EPHA6: variants seen among roughly 807,000 people sequenced by gnomAD.
EPHA6 encodes ephrin type-A receptor 6.
A neutral mutation model predicts 112.0 loss-of-function variants in EPHA6; 50 were observed. The observed-to-expected ratio is 0.45, with a 90% confidence interval of 0.36 to 0.56. The LOEUF (loss-of-function observed/expected upper bound fraction) is 0.56, where lower values mean the gene tolerates loss of function less well. Ranked by LOEUF, EPHA6 falls within the 20% of genes least tolerant of loss-of-function variation. EPHA6 has a pLI of 0.00. For synonymous variants in EPHA6, 529 were observed against 490.7 expected (o/e 1.08, Z -1.03); for missense variants, 1,280 against 1,417.4 (o/e 0.90, Z 1.56).
Position 97,720,268 on chromosome 3 carries a change from A to G in EPHA6, c.2792A>G (p.Lys931Arg), listed in dbSNP as rs1309760474. The G allele has an allele frequency of 1.9e-6, 3 of 1,580,018 alleles. No homozygotes were observed. The highest frequency in any genetic ancestry group is 3.8e-5 in the Admixed American group (2 of 53,186). The part of the protein sequence containing the change: ...PEAAYTTTGG[K>R]IPIRWTAPEA... ...CTCCAATTTGTTTTCCAGGGTGGAA[A>G]AATCCCCATAAGGTGGACAGCCCCA... Residue 931 changes from lysine to arginine, a missense_variant, in exon 15 of 18, where the codon AAA becomes AGA. This residue lies in a region of EPHA6 where 878 missense variants were observed against 999.7 expected (regional missense o/e 0.88). Transcript: ENST00000389672.
intron 13 of EPHA6, among the ~76,000 whole-genome samples, chr3:97,623,550 G>A (rs540028779): frequency 1.3e-5 from 2 of 151,622 alleles, no homozygotes. Context: ...TTCTAAGATG[G>A]CATTTTCTTG....
chr3:97,131,503 G>A (rs913416853), intron 3 of EPHA6, among the ~76,000 whole-genome samples: 5 of 152,186 alleles, frequency 3.3e-5, no homozygotes, highest in Admixed American at 2.0e-4. Flanking sequence ...GAATAAACAA[G>A]TAAGTATGAG....
intron 11 of EPHA6, among the ~76,000 whole-genome samples, chr3:97,575,250 T>C (rs560300503): frequency 3.3e-5 from 5 of 152,252 alleles, no homozygotes; most frequent in African/African-American, 1.2e-4. Context: ...TCTATATAAC[T>C]ATTCTAGATA....
intron 11 of EPHA6, among the ~76,000 whole-genome samples, chr3:97,563,244 G>A (rs2093216936): frequency 6.6e-6 from 1 of 152,168 alleles, no homozygotes; most frequent in Non-Finnish European, 1.5e-5. Context: ...GAAGTCGGAT[G>A]TGAGGAAAGG....
intron 3 of EPHA6, among the ~76,000 whole-genome samples, chr3:97,017,500 T>C (rs2044303873): frequency 6.6e-6 from 1 of 152,142 alleles, no homozygotes; most frequent in Non-Finnish European, 1.5e-5. Context: ...CTAAAGTGCT[T>C]GGGGGCCCCA....
At chr3:97,379,832 A>G (rs1361741627) in intron 5 of EPHA6, among the ~76,000 whole-genome samples, 1 of 151,438 alleles carries the variant, frequency 6.6e-6, no homozygotes, top group Non-Finnish European at 1.5e-5. Context: ...TAAAAACTTT[A>G]TGCTTTTTGG....
intron 14 of EPHA6, among the ~76,000 whole-genome samples, chr3:97,652,493 T>A (rs1193151695): frequency 1.3e-5 from 2 of 152,094 alleles, no homozygotes; most frequent in Non-Finnish European, 2.9e-5. Flanking sequence ...ACCACTATCC[T>A]TGGACACTTA....
At chr3:97,238,889 G>A (rs1437199397) in intron 4 of EPHA6, among the ~76,000 whole-genome samples, 1 of 151,886 alleles carries the variant, frequency 6.6e-6, no homozygotes, top group Non-Finnish European at 1.5e-5. Context: ...AGACAAAGCT[G>A]AGAAGTTTAG....
chr3:97,195,258 G>A (rs1203566462), intron 3 of EPHA6, among the ~76,000 whole-genome samples: 2 of 61,008 alleles, frequency 3.3e-5, no homozygotes, highest in Non-Finnish European at 5.4e-5. Flanking sequence ...TTGTGTAACT[G>A]TTTTTGATTT....
intron 3 of EPHA6, among the ~76,000 whole-genome samples, chr3:97,015,693 G>T (rs969177837): frequency 5.3e-5 from 8 of 152,270 alleles, no homozygotes; most frequent in African/African-American, 1.9e-4. Context: ...GATCAGGAGA[G>T]GAGTGAACAC....
At chr3:97,734,784 C>A (rs1018862498) in intron 15 of EPHA6, among the ~76,000 whole-genome samples, 1 of 151,978 alleles carries the variant, frequency 6.6e-6, no homozygotes, top group Non-Finnish European at 1.5e-5. Flanking sequence ...CCTCCGTTTT[C>A]CAAACTCAAC....
At position 97,031,326 on chromosome 3, in the gene EPHA6, G is replaced by C. The variant is rs572213567; in HGVS notation, c.1114+43333G>C. 8.9e-4 allele frequency among the ~76,000 whole-genome samples: 136 copies of C among 151,958 alleles called. 2 individuals are homozygous for C. Among genetic ancestry groups the C allele is most frequent in the African/African-American group, 2.9e-3 (120 of 41,486 alleles). ...TGGATTAAAGACTTAAATGTTAGAC[G>C]TAAAACCATAAAAACCCTAGAAGAA... On this transcript the variant is annotated intron_variant, in intron 3 of 17. Coordinates refer to ENST00000389672, the MANE Select transcript of EPHA6 (RefSeq NM_001080448.3).
chr3:96,914,773 AT>A (rs1198883582), intron 2 of EPHA6, among the ~76,000 whole-genome samples: 1 of 152,146 alleles, frequency 6.6e-6, no homozygotes, highest in South Asian at 2.1e-4. Context: ...GTATATTTTG[AT>A]TTTTTTCATA....
chr3:97,073,523 G>A (rs2046422860), intron 3 of EPHA6, among the ~76,000 whole-genome samples: 1 of 151,710 alleles, frequency 6.6e-6, no homozygotes, highest in Non-Finnish European at 1.5e-5. Flanking sequence ...GACTGCACAG[G>A]GAAAGCTAAA....
At chr3:97,660,062 G>A (rs759657805) in intron 14 of EPHA6, among the ~76,000 whole-genome samples, 3 of 151,958 alleles carry the variant, frequency 2.0e-5, no homozygotes, top group South Asian at 2.1e-4. Flanking sequence ...TTCTGTGATC[G>A]TTTAAATTCT....
chr3:97,404,075 G>A (rs986553717), intron 5 of EPHA6, among the ~76,000 whole-genome samples: 3 of 152,046 alleles, frequency 2.0e-5, no homozygotes, highest in African/African-American at 7.2e-5. Context: ...TCTTATTGAT[G>A]GGCATTTAGA....
intron 2 of EPHA6, among the ~76,000 whole-genome samples, chr3:96,983,781 T>C (rs900328509): frequency 6.6e-6 from 1 of 152,228 alleles, no homozygotes; most frequent in Admixed American, 6.5e-5. Context: ...TAAACTTCTC[T>C]TCTGACTTCT....
intron 11 of EPHA6, among the ~76,000 whole-genome samples, chr3:97,544,933 G>A (rs547977505): frequency 4.7e-4 from 71 of 151,508 alleles, no homozygotes; most frequent in African/African-American, 5.3e-4. Context: ...GGAAATTTGC[G>A]TCTATTTGAT....
chr3:97,134,041 A>T (rs115326614), intron 3 of EPHA6, among the ~76,000 whole-genome samples: 2,004 of 151,920 alleles, frequency 0.013, 34 homozygotes, highest in African/African-American at 0.045. Flanking sequence ...ATGAAATTTT[A>T]AAAAAAAGAG....
Sources: allele counts gnomAD v4.1 joint callset (sites outside exome capture counted in the v4.1 genomes callset), GRCh38; gene constraint gnomAD v4.1.1; regional missense constraint gnomAD v4.1.1; transcripts MANE v1.5; gene names NCBI Gene and HGNC (gene_info 2026-07-23, HGNC 2026-07-21).